The following WASF3 variants were observed in gnomAD, a reference collection of about 807,000 sequenced individuals.
WASF3 encodes the protein WASP family member 3, also known as actin-binding protein WASF3.
In WASF3, 11 loss-of-function variants were observed where a neutral mutation model predicts 46.6. That is an observed-to-expected ratio of 0.24 (90% CI 0.15 to 0.39). WASF3 has a LOEUF of 0.39. WASF3 is among the 10% of genes least tolerant of loss of function. The pLI is 1.00. For synonymous variants in WASF3, 242 were observed against 259.7 expected (o/e 0.93, Z 0.65); for missense variants, 576 against 669.8 (o/e 0.86, Z 1.55).
At chr13:26,548,838 C>T in the WASF3 span, among the ~76,000 whole-genome samples, 1 of 152,106 alleles carries the variant, frequency 6.6e-6, no homozygotes, top group Non-Finnish European at 1.5e-5. Flanking sequence ...ATGACAACTA[C>T]CCTTTGAGGT....
At chr13:26,598,292 T>C (rs1880536543) in intron 1 of WASF3, among the ~76,000 whole-genome samples, 1 of 152,214 alleles carries the variant, frequency 6.6e-6, no homozygotes, top group Non-Finnish European at 1.5e-5. Flanking sequence ...TCATATCCTT[T>C]GCCCACTTTT....
Position 26,598,705 on chromosome 13 carries a change from T to C in WASF3, c.-108-14256T>C, listed in dbSNP as rs565096089. On this transcript the variant is annotated intron_variant, in intron 1 of 9. Transcript: ENST00000335327. ...CCCCAGTAAGATCTTGGAGATCTCT[T>C]TATGCTTCAGAGCCAAGCTGCCAGC... Among the ~76,000 whole-genome samples, 6 of 152,292 alleles carry C rather than the reference T, an allele frequency of 3.9e-5. No homozygotes were observed. In the East Asian group the frequency reaches 1.2e-3, roughly 29 times the overall value.
rs528962356 is a variant in WASF3 at position 26,609,091 on chromosome 13, A to G, written c.-108-3870A>G. Among the ~76,000 whole-genome samples, 4 of 152,354 alleles carry G rather than the reference A, an allele frequency of 2.6e-5. No homozygotes were observed. In the East Asian group the frequency reaches 7.7e-4, roughly 29 times the overall value. ...AGGGACCAAAATAGTAAATCCAAATACAATCAGATTAGGATAATATTGATA... is the reference window on the plus strand; with the variant it reads ...AGGGACCAAAATAGTAAATCCAAATGCAATCAGATTAGGATAATATTGATA... On this transcript the variant is annotated intron_variant, in intron 1 of 9. Coordinates refer to ENST00000335327, the MANE Select transcript of WASF3 (RefSeq NM_006646.6).
At chr13:26,607,428 A>G (rs1285429730) in intron 1 of WASF3, among the ~76,000 whole-genome samples, 1 of 152,082 alleles carries the variant, frequency 6.6e-6, no homozygotes, top group East Asian at 1.9e-4. Context: ...TTTATAGGCA[A>G]AAAAAAGGCT....
At chr13:26,663,083 G>A (rs951235174) in intron 3 of WASF3, among the ~76,000 whole-genome samples, 2 of 152,208 alleles carry the variant, frequency 1.3e-5, no homozygotes, top group African/African-American at 4.8e-5. Flanking sequence ...GCAAGATGGC[G>A]GTGGGTGTAG....
At chr13:26,629,601 C>G (rs565496358) in intron 2 of WASF3, among the ~76,000 whole-genome samples, 5 of 152,140 alleles carry the variant, frequency 3.3e-5, no homozygotes, top group Non-Finnish European at 5.9e-5. Context: ...CCTCCTTCCC[C>G]TGGATGTATG....
At chr13:26,580,817 G>A (rs1203087737) in intron 1 of WASF3, among the ~76,000 whole-genome samples, 1 of 151,222 alleles carries the variant, frequency 6.6e-6, no homozygotes, top group Non-Finnish European at 1.5e-5. Context: ...TAGAGATGGA[G>A]TTTCTCCATG....
chr13:26,564,234 C>T (rs932957794), intron 1 of WASF3, among the ~76,000 whole-genome samples: 1 of 152,202 alleles, frequency 6.6e-6, no homozygotes, highest in African/African-American at 2.4e-5. Flanking sequence ...CTAACTAGTT[C>T]ACAAACTCCT....
At position 26,623,412 on chromosome 13, in the gene WASF3, C is replaced by T. The variant is rs116607898; in HGVS notation, c.-11+10354C>T. Among the ~76,000 whole-genome samples the T allele has an allele frequency of 5.6e-3, 855 of 152,262 alleles. 10 individuals are homozygous for T. The highest frequency in any genetic ancestry group is 0.02 in the African/African-American group (813 of 41,558). The stretch of plus-strand genomic sequence containing the variant: ...AATGAAACCTCTAGCCCATAGGACT[C>T]AGCAAAGATCTATTTCTGGCAGAGG... On this transcript the variant is annotated intron_variant, in intron 2 of 9. Transcript: ENST00000335327.
At chr13:26,541,287 G>T in the WASF3 span, among the ~76,000 whole-genome samples, 31,707 of 152,028 alleles carry the variant, frequency 0.21, 3,671 homozygotes, top group Admixed American at 0.27. Flanking sequence ...TCGAGGGCAG[G>T]GAAAGGCGGA....
At chr13:26,672,641 A>G (rs1367350690) in intron 6 of WASF3, among the ~76,000 whole-genome samples, 3 of 152,178 alleles carry the variant, frequency 2.0e-5, no homozygotes, top group Non-Finnish European at 4.4e-5. Flanking sequence ...TGAGAGGAAT[A>G]ATTCTCTAAG....
At chr13:26,670,499 A>G (rs538213839) in intron 5 of WASF3, among the ~76,000 whole-genome samples, 2 of 152,282 alleles carry the variant, frequency 1.3e-5, no homozygotes, top group African/African-American at 4.8e-5. Flanking sequence ...TATAATAATA[A>G]AAAAGAACGT....
intron 7 of WASF3, among the ~76,000 whole-genome samples, chr13:26,677,357 A>G (rs1883097427): frequency 6.6e-6 from 1 of 152,244 alleles, no homozygotes; most frequent in African/African-American, 2.4e-5. Context: ...ACAACAGGAA[A>G]TGACTAGTCA....
chr13:26,610,976 G>T (rs867216697), intron 1 of WASF3, among the ~76,000 whole-genome samples: 3 of 151,234 alleles, frequency 2.0e-5, no homozygotes, highest in East Asian at 3.9e-4. Flanking sequence ...AAAGAAAAAG[G>T]CATGTGTCCG....
At chr13:26,601,656 T>A (rs1289864502) in intron 1 of WASF3, among the ~76,000 whole-genome samples, 6 of 152,250 alleles carry the variant, frequency 3.9e-5, no homozygotes, top group Non-Finnish European at 1.5e-5. Context: ...TATCAGAATA[T>A]CAACTGTTTG....
upstream of WASF3, among the ~76,000 whole-genome samples, chr13:26,555,092 G>C (rs766128723): frequency 1.3e-5 from 2 of 152,040 alleles, no homozygotes; most frequent in Admixed American, 1.3e-4. Context: ...TTTTATTTTA[G>C]CCATCCTAGT....
intron 4 of WASF3, among the ~76,000 whole-genome samples, chr13:26,667,048 A>G (rs1421621392): frequency 6.6e-6 from 1 of 152,128 alleles, no homozygotes; most frequent in Non-Finnish European, 1.5e-5. Flanking sequence ...GCCATTTGCC[A>G]TCTTTCCTTA....
chr13:26,615,711 C>T (rs536365379), intron 2 of WASF3, among the ~76,000 whole-genome samples: 2 of 152,290 alleles, frequency 1.3e-5, no homozygotes, highest in East Asian at 1.9e-4. Flanking sequence ...TATGTATACA[C>T]CCATGATACC....
At chr13:26,563,531 T>C (rs1050259706) in intron 1 of WASF3, among the ~76,000 whole-genome samples, 1 of 151,838 alleles carries the variant, frequency 6.6e-6, no homozygotes, top group Non-Finnish European at 1.5e-5. Context: ...GGCACACACC[T>C]GTACTCCCAG....
Sources: gnomAD v4.1 joint callset for allele counts (sites outside exome capture counted in the v4.1 genomes callset) on GRCh38, gnomAD v4.1.1 for gene constraint, MANE v1.5 for transcripts, NCBI Gene and HGNC (gene_info 2026-07-23, HGNC 2026-07-21) for gene names.